The following CDH8 variants were observed in gnomAD, a reference collection of about 807,000 sequenced individuals.
The protein encoded by CDH8 is cadherin 8, also known as cadherin-8.
Under a neutral mutation model 68.1 loss-of-function variants are expected in CDH8, and 17 were observed. That is an observed-to-expected ratio of 0.25 (90% CI 0.17 to 0.37). The LOEUF (loss-of-function observed/expected upper bound fraction) is 0.37, where lower values mean the gene tolerates loss of function less well. CDH8 is among the 10% of genes least tolerant of loss of function. The probability of loss-of-function intolerance (pLI) is 1.00; values close to 1 mark genes in which losing one functional copy is unlikely to be tolerated. For synonymous variants in CDH8, 372 were observed against 365.1 expected (o/e 1.02, Z -0.21); for missense variants, 763 against 999.3 (o/e 0.76, Z 3.19).
chr16:61,840,588 T>A (rs1457100959), intron 4 of CDH8, among the ~76,000 whole-genome samples: 1 of 152,142 alleles, frequency 6.6e-6, no homozygotes, highest in Non-Finnish European at 1.5e-5. Flanking sequence ...TAAATTGCTA[T>A]GGCTAAAAGG....
intron 10 of CDH8, among the ~76,000 whole-genome samples, chr16:61,705,699 C>T (rs1442205255): frequency 2.0e-5 from 3 of 152,196 alleles, no homozygotes; most frequent in Non-Finnish European, 4.4e-5. Flanking sequence ...CCATGAAGAT[C>T]TTACACTTCT....
At chr16:61,824,016 C>T (rs376271064) in intron 5 of CDH8, among the ~76,000 whole-genome samples, 14 of 151,920 alleles carry the variant, frequency 9.2e-5, no homozygotes, top group South Asian at 2.1e-4. Flanking sequence ...AAGAAATGGA[C>T]ATCACCCAAG....
At chr16:61,890,268 TA>T (rs1963750549) in intron 3 of CDH8, among the ~76,000 whole-genome samples, 1 of 152,108 alleles carries the variant, frequency 6.6e-6, no homozygotes, top group African/African-American at 2.4e-5. Flanking sequence ...CACAGAGATA[TA>T]ACAGGAAAAA....
chr16:61,910,727 T>A (rs902987698), intron 2 of CDH8, among the ~76,000 whole-genome samples: 2 of 152,150 alleles, frequency 1.3e-5, no homozygotes, highest in African/African-American at 4.8e-5. Flanking sequence ...TGGACTCTTA[T>A]GGGGATTAAA....
At chr16:61,683,787 A>G (rs1396288078) in intron 10 of CDH8, among the ~76,000 whole-genome samples, 1 of 152,020 alleles carries the variant, frequency 6.6e-6, no homozygotes, top group African/African-American at 2.4e-5. Flanking sequence ...TTGTTGCTCA[A>G]TGGCAATTTC....
chr16:61,959,203 C>G (rs930874938), intron 2 of CDH8, among the ~76,000 whole-genome samples: 20 of 152,206 alleles, frequency 1.3e-4, no homozygotes, highest in Non-Finnish European at 1.2e-4. Flanking sequence ...TAGGAAAGGC[C>G]AGGCTCTACT....
chr16:61,878,344 T>A (rs1171497098), intron 3 of CDH8, among the ~76,000 whole-genome samples: 1 of 152,148 alleles, frequency 6.6e-6, no homozygotes. Flanking sequence ...TTAAAAGTGG[T>A]TGTTATCTTG....
chr16:61,949,566 G>A (rs934342459), intron 2 of CDH8, among the ~76,000 whole-genome samples: 8 of 151,984 alleles, frequency 5.3e-5, no homozygotes, highest in Admixed American at 1.3e-4. Flanking sequence ...GTAACACTCC[G>A]CCAAGGTCTG....
At chr16:61,656,944 A>G (rs1963459724) in intron 10 of CDH8, among the ~76,000 whole-genome samples, 1 of 152,172 alleles carries the variant, frequency 6.6e-6, no homozygotes, top group Non-Finnish European at 1.5e-5. Context: ...AAAGATATAC[A>G]TTTACTCAAA....
chr16:61,828,321 C>A (rs761802226), intron 4 of CDH8, among the ~76,000 whole-genome samples: 1 of 151,900 alleles, frequency 6.6e-6, no homozygotes, highest in African/African-American at 2.4e-5. Context: ...ACATGGGCAA[C>A]CAGCAGCCCC....
At chr16:61,879,315 T>C (rs1368875480) in intron 3 of CDH8, among the ~76,000 whole-genome samples, 1 of 152,222 alleles carries the variant, frequency 6.6e-6, no homozygotes, top group African/African-American at 2.4e-5. Flanking sequence ...CCATGAACAC[T>C]TTCTCAATTA....
At chr16:62,017,853 C>T (rs563097919) in intron 2 of CDH8, among the ~76,000 whole-genome samples, 40 of 152,196 alleles carry the variant, frequency 2.6e-4, no homozygotes, top group Admixed American at 2.2e-3. Flanking sequence ...CCCACACCCC[C>T]GGGCCAGTGA....
chr16:61,819,017 T>G (rs1283090318), intron 6 of CDH8, among the ~76,000 whole-genome samples: 5 of 148,778 alleles, frequency 3.4e-5, no homozygotes, highest in Non-Finnish European at 4.4e-5. Context: ...ACTAAGCACA[T>G]GCATCCATGA....
chr16:61,894,077 AC>A (rs1395107815), intron 3 of CDH8, among the ~76,000 whole-genome samples: 1 of 152,180 alleles, frequency 6.6e-6, no homozygotes, highest in Non-Finnish European at 1.5e-5. Flanking sequence ...AAGAAAAAAA[AC>A]TATGATGGAG....
chr16:61,838,151 T>C (rs1270511003), intron 4 of CDH8, among the ~76,000 whole-genome samples: 1 of 152,106 alleles, frequency 6.6e-6, no homozygotes, highest in Non-Finnish European at 1.5e-5. Context: ...CTATATCAAA[T>C]AGGTAATCTT....
intron 4 of CDH8, among the ~76,000 whole-genome samples, chr16:61,826,221 T>C (rs1019049544): frequency 2.6e-5 from 4 of 151,882 alleles, no homozygotes; most frequent in Non-Finnish European, 5.9e-5. Flanking sequence ...TGTCACTGCA[T>C]AGAAGTTCAC....
At chr16:61,840,907 G>A (rs554129969) in intron 4 of CDH8, among the ~76,000 whole-genome samples, 1 of 151,992 alleles carries the variant, frequency 6.6e-6, no homozygotes, top group African/African-American at 2.4e-5. Flanking sequence ...TCCTGCACAT[G>A]TATCCCAGAA....
chr16:61,738,274 T>C (rs1330881004), intron 8 of CDH8, among the ~76,000 whole-genome samples: 4 of 152,190 alleles, frequency 2.6e-5, no homozygotes, highest in Non-Finnish European at 4.4e-5. Flanking sequence ...CATTTTCAAA[T>C]GCTCTCTAAA....
chr16:61,893,206 C>T, intron 3 of CDH8, among the ~76,000 whole-genome samples: 1 of 152,138 alleles, frequency 6.6e-6, no homozygotes, highest in East Asian at 1.9e-4. Context: ...ACCTTCTTCC[C>T]TGTGTGAGTC....
Sources: gnomAD v4.1 joint callset for allele counts (sites outside exome capture counted in the v4.1 genomes callset) on GRCh38, gnomAD v4.1.1 for gene constraint, MANE v1.5 for transcripts, NCBI Gene and HGNC (gene_info 2026-07-23, HGNC 2026-07-21) for gene names.